HEATR4: variants seen among roughly 807,000 people sequenced by gnomAD.
The protein encoded by HEATR4 is HEAT repeat-containing protein 4.
In HEATR4, 95 loss-of-function variants were observed where a neutral mutation model predicts 108.8. That is an observed-to-expected ratio of 0.87 (90% confidence interval 0.74 to 1.04). The LOEUF (loss-of-function observed/expected upper bound fraction) is 1.04. HEATR4 is among the 50% of genes least tolerant of loss of function. The pLI is 0.00. For missense variants in HEATR4, 1,152 were observed against 1,253.8 expected (o/e 0.92, Z 1.23); for synonymous variants, 443 against 459.4 (o/e 0.96, Z 0.46).
chr14:73,608,819 A>C, the HEATR4 span, among the ~76,000 whole-genome samples: 1 of 152,236 alleles, frequency 6.6e-6, no homozygotes, highest in African/African-American at 2.4e-5. Flanking sequence ...CTCACAGTTC[A>C]GCATGGCTGA....
chr14:73,629,547 A>G, the HEATR4 span, among the ~76,000 whole-genome samples: 1 of 152,254 alleles, frequency 6.6e-6, no homozygotes, highest in South Asian at 2.1e-4. Context: ...GCTTGAGGAG[A>G]GACTGGAAGA....
chr14:73,509,206 C>T (rs1482697987), intron 8 of HEATR4, 106 bp downstream of exon 8: 1 of 1,106,840 alleles, frequency 9.0e-7, no homozygotes, highest in East Asian at 2.4e-5. Context: ...AAACCCAATA[C>T]AGCAGACATT....
chr14:73,590,052 A>G, the HEATR4 span, among the ~76,000 whole-genome samples: 5 of 152,134 alleles, frequency 3.3e-5, no homozygotes, highest in African/African-American at 4.8e-5. Flanking sequence ...TACCTTTATT[A>G]CAAAACTAAA....
At chr14:73,577,574 T>C in the HEATR4 span, among the ~76,000 whole-genome samples, 4 of 149,988 alleles carry the variant, frequency 2.7e-5, no homozygotes, top group Non-Finnish European at 4.5e-5. Context: ...AATTATATAG[T>C]ATATGACTCT....
intron 17 of HEATR4, chr14:73,491,474 C>T: frequency 4.0e-6 from 6 of 1,491,946 alleles, no homozygotes; most frequent in Non-Finnish European, 5.3e-6. Flanking sequence ...GTGCACCGCG[C>T]AACACTTAGC....
intron 17 of HEATR4, among the ~76,000 whole-genome samples, chr14:73,479,213 T>A (rs1321885883): frequency 6.6e-6 from 1 of 152,026 alleles, no homozygotes; most frequent in Admixed American, 6.6e-5. Context: ...CCTCCCGGGT[T>A]CACGCCATTC....
chr14:73,565,381 T>C, the HEATR4 span, among the ~76,000 whole-genome samples: 3 of 150,584 alleles, frequency 2.0e-5, no homozygotes, highest in Non-Finnish European at 3.0e-5. Flanking sequence ...TCTCCCTTTT[T>C]CTTTTCCTTT....
the HEATR4 span, chr14:73,619,916 TCTC>T: frequency 7.1e-7 from 1 of 1,407,040 alleles, no homozygotes; most frequent in Non-Finnish European, 9.4e-7. Flanking sequence ...TTCTTTCTTT[TCTC>T]TTTTTTTTTT....
At chr14:73,497,213 G>C (rs1215279525) in intron 14 of HEATR4, among the ~76,000 whole-genome samples, 3 of 151,496 alleles carry the variant, frequency 2.0e-5, no homozygotes, top group African/African-American at 7.3e-5. Context: ...TCTAATTTTT[G>C]TATTTTTAGT....
chr14:73,612,627 T>G, the HEATR4 span: 1 of 1,409,736 alleles, frequency 7.1e-7, no homozygotes, highest in Non-Finnish European at 9.3e-7. Flanking sequence ...GACGAGCCGC[T>G]GCGCATCGCA....
the HEATR4 span, among the ~76,000 whole-genome samples, chr14:73,579,147 T>G: frequency 6.7e-6 from 1 of 148,300 alleles, no homozygotes; most frequent in South Asian, 2.1e-4. Flanking sequence ...TCCCAGCTAC[T>G]TGGGAGGCTG....
chr14:73,598,955 G>T, the HEATR4 span, among the ~76,000 whole-genome samples: 15 of 151,990 alleles, frequency 9.9e-5, no homozygotes, highest in African/African-American at 3.6e-4. Context: ...AATGAGTCAA[G>T]ATCACACCAC....
chr14:73,591,058 CAG>C, the HEATR4 span, among the ~76,000 whole-genome samples: 1 of 151,648 alleles, frequency 6.6e-6, no homozygotes, highest in Non-Finnish European at 1.5e-5. Context: ...GCCTGGGAAA[CAG>C]GGTGACACCT....
chr14:73,564,672 T>C, the HEATR4 span, among the ~76,000 whole-genome samples: 5 of 151,644 alleles, frequency 3.3e-5, no homozygotes, highest in African/African-American at 1.2e-4. Flanking sequence ...AAACAACAGT[T>C]TGAAATAGTT....
At chr14:73,517,700 AGGGAAGGGGAG>A (rs1282843802) in intron 5 of HEATR4, among the ~76,000 whole-genome samples, 6 of 137,928 alleles carry the variant, frequency 4.4e-5, no homozygotes, top group African/African-American at 1.6e-4. Context: ...AAAGAGAGAG[AGGGAAGGGGAG>A]GGGAAGGGGG....
chr14:73,621,057 C>G, the HEATR4 span, among the ~76,000 whole-genome samples: 167 of 151,884 alleles, frequency 1.1e-3, 1 homozygote, highest in Non-Finnish European at 1.9e-3. Flanking sequence ...ACTAAAAATA[C>G]AAAAAATTAG....
rs11410201 is a variant in HEATR4 at position 73,492,999 on chromosome 14, C to CTTT, written c.2844+64_2844+66dup. 0.039 allele frequency: 55,335 copies of CTTT among 1,436,554 alleles called. 133 individuals carry two copies. Among genetic ancestry groups the CTTT allele is most frequent in the East Asian group, 0.052 (2,149 of 40,934 alleles). The allele number at this position is 1,436,554 out of a possible 1,614,324, so 89.0% of individuals were successfully genotyped here. On this transcript the variant is annotated intron_variant, in intron 17 of 17. Transcript: ENST00000553558. This position sits in a 1 kb window ranked among gnomAD's most constrained non-coding sequence, Gnocchi z 4.9. ...AGTGATTCTCCGCTGCCACTGCTAC[C>CTTT]TTTTTTTTTTTTTTTTCCTTAAACT...
the HEATR4 span, among the ~76,000 whole-genome samples, chr14:73,566,740 G>C: frequency 6.6e-6 from 1 of 151,834 alleles, no homozygotes; most frequent in Non-Finnish European, 1.5e-5. Flanking sequence ...TGCAAGCTGA[G>C]GGAGACGGCT....
intron 1 of HEATR4, among the ~76,000 whole-genome samples, chr14:73,555,895 C>G (rs1238489794): frequency 8.9e-6 from 1 of 111,972 alleles, no homozygotes. Context: ...ATCCCAGCTA[C>G]TTGGGAGGCT....
Sources: gnomAD v4.1 joint callset for allele counts (sites outside exome capture counted in the v4.1 genomes callset) on GRCh38, gnomAD v4.1.1 for gene constraint, Gnocchi (gnomAD v3.1) non-coding constraint, MANE v1.5 for transcripts, NCBI Gene and HGNC (gene_info 2026-07-23, HGNC 2026-07-21) for gene names.